The following AUTS2 variants were observed in gnomAD, a reference collection of about 807,000 sequenced individuals.
AUTS2 encodes activator of transcription and developmental regulator AUTS2.
AUTS2 carries 17 observed loss-of-function variants against 112.4 expected under a neutral mutation model. The observed-to-expected ratio is 0.15, with a 90% CI of 0.10 to 0.23. The LOEUF (loss-of-function observed/expected upper bound fraction) is 0.23, where lower values mean the gene tolerates loss of function less well. AUTS2 is among the 10% of genes least tolerant of loss of function. The pLI is 1.00. For synonymous variants in AUTS2, 751 were observed against 702.7 expected (o/e 1.07, Z -1.09); for missense variants, 1,510 against 1,701.6 (o/e 0.89, Z 1.98).
intron 4 of AUTS2, among the ~76,000 whole-genome samples, chr7:70,142,380 A>G (rs940074075): frequency 3.3e-5 from 5 of 152,176 alleles, no homozygotes; most frequent in African/African-American, 1.2e-4. Flanking sequence ...GATGTCTGCC[A>G]TGTGCAACCA....
At chr7:70,383,684 A>G (rs1283984036) in intron 4 of AUTS2, among the ~76,000 whole-genome samples, 2 of 152,226 alleles carry the variant, frequency 1.3e-5, no homozygotes, top group Non-Finnish European at 2.9e-5. Flanking sequence ...TTCCACAGTA[A>G]GGGTGAAAAG....
chr7:69,660,682 C>T (rs769569923), intron 1 of AUTS2, among the ~76,000 whole-genome samples: 1 of 152,182 alleles, frequency 6.6e-6, no homozygotes, highest in Non-Finnish European at 1.5e-5. Flanking sequence ...CCTGTAATCC[C>T]AGCACTTTGG....
intron 1 of AUTS2, among the ~76,000 whole-genome samples, chr7:69,775,974 A>G (rs900681715): frequency 6.6e-6 from 1 of 152,106 alleles, no homozygotes; most frequent in African/African-American, 2.4e-5. Context: ...TGAGTTCACC[A>G]TGGGATTCTC....
intron 4 of AUTS2, among the ~76,000 whole-genome samples, chr7:70,329,837 T>C (rs1790662175): frequency 6.6e-6 from 1 of 152,104 alleles, no homozygotes; most frequent in Non-Finnish European, 1.5e-5. Context: ...ACAAAGGAAA[T>C]TTATTTCTTA....
chr7:70,513,524 A>G (rs373928964), intron 5 of AUTS2, among the ~76,000 whole-genome samples: 1 of 152,210 alleles, frequency 6.6e-6, no homozygotes, highest in South Asian at 2.1e-4. Context: ...CCACCACAGC[A>G]AACCCCACTG....
At chr7:70,393,326 G>C (rs915981774) in intron 4 of AUTS2, among the ~76,000 whole-genome samples, 5 of 152,200 alleles carry the variant, frequency 3.3e-5, no homozygotes, top group African/African-American at 1.2e-4. Context: ...CATGTGTGCT[G>C]GCTGGGAAGA....
chr7:69,920,240 T>C (rs1419487002), intron 2 of AUTS2, among the ~76,000 whole-genome samples: 2 of 152,068 alleles, frequency 1.3e-5, no homozygotes, highest in East Asian at 3.9e-4. Context: ...CCTAGATGTA[T>C]TCATTTTTGG....
rs56755749 is a variant in AUTS2, at chr7:70,727,653, GT to G, written c.742+29038del. Among the ~76,000 whole-genome samples, 404 of 152,254 alleles carry G rather than the reference GT, an allele frequency of 2.7e-3. 4 individuals carry two copies. Among genetic ancestry groups the G allele is most frequent in the African/African-American group, 9.6e-3 (397 of 41,556 alleles). On this transcript the variant is annotated intron_variant, in intron 6 of 18. Coordinates refer to ENST00000342771, the MANE Select transcript of AUTS2 (RefSeq NM_015570.4). ...ATGAACCACTGTGCCAGGCCAGGCT[GT>G]TTTTAAAACTTACGTTTCAGAGGTT...
At chr7:69,865,406 A>G (rs1793177744) in intron 1 of AUTS2, among the ~76,000 whole-genome samples, 1 of 152,140 alleles carries the variant, frequency 6.6e-6, no homozygotes. Flanking sequence ...GCTGTCCAGA[A>G]TTTCTTAGAT....
intron 3 of AUTS2, among the ~76,000 whole-genome samples, chr7:70,121,971 G>C (rs1234015305): frequency 6.6e-6 from 1 of 152,162 alleles, no homozygotes; most frequent in African/African-American, 2.4e-5. Context: ...AAATGTGACA[G>C]CTTGGCTGAT....
intron 4 of AUTS2, among the ~76,000 whole-genome samples, chr7:70,274,679 G>A (rs1787848674): frequency 6.6e-6 from 1 of 152,054 alleles, no homozygotes; most frequent in Admixed American, 6.6e-5. Flanking sequence ...GTCTGTAATG[G>A]GTTTAAAGCT....
At chr7:70,406,190 C>G (rs1323115428) in intron 4 of AUTS2, among the ~76,000 whole-genome samples, 2 of 152,206 alleles carry the variant, frequency 1.3e-5, no homozygotes, top group Non-Finnish European at 2.9e-5. Context: ...CTCCCTCTGC[C>G]TTTCTGACCT....
chr7:69,774,291 T>A (rs1338998123), intron 1 of AUTS2, among the ~76,000 whole-genome samples: 1 of 152,164 alleles, frequency 6.6e-6, no homozygotes. Context: ...TCCCAGCTAC[T>A]CAGGAGGCTG....
intron 4 of AUTS2, among the ~76,000 whole-genome samples, chr7:70,394,243 C>T (rs1428558442): frequency 6.6e-6 from 1 of 152,166 alleles, no homozygotes; most frequent in East Asian, 1.9e-4. Context: ...ATAATAACTG[C>T]CAAAACTTAT....
At chr7:70,673,378 T>C (rs112091971) in intron 5 of AUTS2, among the ~76,000 whole-genome samples, 2,799 of 151,552 alleles carry the variant, frequency 0.018, 79 homozygotes, top group African/African-American at 0.065. Context: ...CTTTTCTTTT[T>C]TTTTTTAAGA....
intron 2 of AUTS2, among the ~76,000 whole-genome samples, chr7:70,102,322 G>A (rs1305145935): frequency 1.3e-5 from 2 of 151,864 alleles, no homozygotes; most frequent in South Asian, 2.1e-4. Context: ...GTTTCACCGT[G>A]TTAGCCAGGA....
chr7:70,207,870 G>T (rs897266844), intron 4 of AUTS2, among the ~76,000 whole-genome samples: 1 of 151,862 alleles, frequency 6.6e-6, no homozygotes, highest in Non-Finnish European at 1.5e-5. Flanking sequence ...AATTAGCCGG[G>T]CATGGTGGTG....
chr7:69,997,642 A>T (rs1426935953), intron 2 of AUTS2, among the ~76,000 whole-genome samples: 2 of 152,172 alleles, frequency 1.3e-5, no homozygotes, highest in African/African-American at 4.8e-5. Context: ...ATGTGTCAGA[A>T]GGAGCAAGAG....
chr7:70,151,629 T>C lies in AUTS2; in HGVS notation c.660+17058T>C, dbSNP rs1190787291. ...GCTGAGAGCTAATTTTTGTCATTTT[T>C]TTAGTTGAGATGGGGTTTCACCATG... On this transcript the variant is annotated intron_variant, in intron 4 of 18. Transcript: ENST00000342771. Among the ~76,000 whole-genome samples, 3 of 152,048 alleles carry C rather than the reference T, an allele frequency of 2.0e-5. No homozygotes were observed. The East Asian group carries it at 5.8e-4, about 29-fold the overall frequency.
Sources: allele counts gnomAD v4.1 joint callset (sites outside exome capture counted in the v4.1 genomes callset), GRCh38; gene constraint gnomAD v4.1.1; transcripts MANE v1.5; gene names NCBI Gene and HGNC (gene_info 2026-07-23, HGNC 2026-07-21).